Variants in MAP2K5 observed in about 807,000 individuals in gnomAD.
MAP2K5 encodes dual specificity mitogen-activated protein kinase kinase 5.
A neutral mutation model predicts 83.1 loss-of-function variants in MAP2K5; 49 were observed. The observed-to-expected ratio is 0.59, with a 90% confidence interval of 0.47 to 0.75. MAP2K5 has a LOEUF of 0.75. Among genes scored for constraint, MAP2K5 ranks in the 30% least tolerant of loss-of-function variants. MAP2K5 has a pLI of 0.00. For synonymous variants in MAP2K5, 202 were observed against 191.8 expected (o/e 1.05, Z -0.44); for missense variants, 457 against 557.5 (o/e 0.82, Z 1.82).
intron 21 of MAP2K5, among the ~76,000 whole-genome samples, chr15:67,784,653 G>A (rs901322625): frequency 6.6e-6 from 1 of 152,220 alleles, no homozygotes; most frequent in African/African-American, 2.4e-5. Context: ...TTTGCACCTG[G>A]TCTGTTAGTT....
intron 17 of MAP2K5, among the ~76,000 whole-genome samples, chr15:67,737,026 A>T (rs2089356542): frequency 6.6e-6 from 1 of 152,212 alleles, no homozygotes; most frequent in Non-Finnish European, 1.5e-5. Context: ...ACTGTCTCCC[A>T]CTCACAGTGC....
At chr15:67,553,570 C>CT (rs1210240625) in intron 2 of MAP2K5, among the ~76,000 whole-genome samples, 1 of 152,036 alleles carries the variant, frequency 6.6e-6, no homozygotes, top group African/African-American at 2.4e-5. Context: ...TTTGTGGTGA[C>CT]TTTTTTTTCT....
intron 8 of MAP2K5, among the ~76,000 whole-genome samples, chr15:67,615,653 A>C (rs1189682075): frequency 6.6e-6 from 1 of 152,140 alleles, no homozygotes; most frequent in African/African-American, 2.4e-5. Context: ...AGACCAAGAA[A>C]TTAGAGGATT....
intron 3 of MAP2K5, among the ~76,000 whole-genome samples, chr15:67,569,374 G>A (rs941144310): frequency 4.6e-5 from 7 of 152,268 alleles, no homozygotes; most frequent in East Asian, 1.9e-4. Context: ...GTGGAGAAAC[G>A]GTGAAAAGAA....
intron 2 of MAP2K5, among the ~76,000 whole-genome samples, chr15:67,551,330 TG>T (rs540187465): frequency 5.4e-4 from 82 of 152,250 alleles, no homozygotes; most frequent in Non-Finnish European, 1.0e-3. Context: ...TGTGAGATCA[TG>T]ATGATAATTA....
Position 67,728,820 on chromosome 15 carries a change from C to T in MAP2K5, c.1074+875C>T, listed in dbSNP as rs143425685. Among the ~76,000 whole-genome samples, 106 of 152,344 alleles carry T rather than the reference C, an allele frequency of 7.0e-4. 2 individuals are homozygous for T. The East Asian group carries it at 0.018, about 27-fold the overall frequency. On this transcript the variant is annotated intron_variant, in intron 17 of 21. Coordinates refer to ENST00000178640, the MANE Select transcript of MAP2K5 (RefSeq NM_145160.3). ...TATGCATGGTTAGATTATGCAGATGCATCACAAACATGGTTATTGAATAAT... is the reference window on the plus strand; with the variant it reads ...TATGCATGGTTAGATTATGCAGATGTATCACAAACATGGTTATTGAATAAT...
chr15:67,673,956 C>G (rs2087613282), intron 13 of MAP2K5, among the ~76,000 whole-genome samples: 1 of 152,118 alleles, frequency 6.6e-6, no homozygotes, highest in African/African-American at 2.4e-5. Context: ...TCAAACGATT[C>G]TCCTGCCCCA....
Position 67,720,443 on chromosome 15 carries a change from G to A in MAP2K5, c.1045-7473G>A, listed in dbSNP as rs2088932306. ...GAGGAAGGAGAATTATGTGTTTTGG[G>A]ACAGCAGGGTTAGAAAGACCAAGAA... On this transcript the variant is annotated intron_variant, in intron 16 of 21. Coordinates refer to ENST00000178640, the MANE Select transcript of MAP2K5 (RefSeq NM_145160.3). This position sits in a 1 kb window ranked among gnomAD's most constrained non-coding sequence, Gnocchi z 5.7. 6.6e-6 allele frequency among the ~76,000 whole-genome samples: 1 copy of A among 152,082 alleles called. No individual in the cohort carries two copies. Among genetic ancestry groups the A allele is most frequent in the Admixed American group, 6.6e-5 (1 of 15,252 alleles).
intron 15 of MAP2K5, among the ~76,000 whole-genome samples, chr15:67,700,768 A>C (rs1041770694): frequency 6.6e-6 from 1 of 151,908 alleles, no homozygotes; most frequent in Non-Finnish European, 1.5e-5. Context: ...TTTTGCTGAA[A>C]ATTTTTGCTC....
chr15:67,609,528 G>A lies in MAP2K5; in HGVS notation c.545+8779G>A. On this transcript the variant is annotated intron_variant, in intron 8 of 21. Coordinates refer to ENST00000178640, the MANE Select transcript of MAP2K5 (RefSeq NM_145160.3). ...TGTAGACCTATTCTATAGGTCTGTA[G>A]ATTCTGTAGACCTATTCTATAGGTC... Among the ~76,000 whole-genome samples, 2 of 107,340 alleles carry A rather than the reference G, an allele frequency of 1.9e-5. 1 individual carries two copies. 70.4% of individuals were successfully genotyped at this position (107,340 alleles called of 152,430 possible). A position where few individuals can be genotyped will look rare whatever the true frequency, so the allele number is the denominator to read the frequency against.
At chr15:67,712,239 C>T (rs1460648019) in intron 16 of MAP2K5, among the ~76,000 whole-genome samples, 12 of 152,176 alleles carry the variant, frequency 7.9e-5, no homozygotes, top group Non-Finnish European at 1.8e-4. Context: ...CAGAGACTTT[C>T]TCTAGGGAAA....
chr15:67,613,780 T>C lies in MAP2K5; in HGVS notation c.545+13031T>C, dbSNP rs17242186. On this transcript the variant is annotated intron_variant, in intron 8 of 21. Transcript: ENST00000178640. ...TAGTGTGGACAATTTCTTGAGTTTT[T>C]AATGGAAACGGGTTAATATTTTTGT... Among the ~76,000 whole-genome samples the C allele has an allele frequency of 8.3e-3, 1,269 of 152,114 alleles. 40 individuals carry two copies. The highest frequency in any genetic ancestry group is 0.062 in the Admixed American group (944 of 15,254).
At chr15:67,570,379 C>G (rs948878045) in intron 3 of MAP2K5, among the ~76,000 whole-genome samples, 1 of 152,244 alleles carries the variant, frequency 6.6e-6, no homozygotes, top group East Asian at 1.9e-4. Flanking sequence ...TTCTCATCAT[C>G]TAATCAATCT....
At chr15:67,789,980 C>T in intron 21 of MAP2K5, among the ~76,000 whole-genome samples, 1 of 152,188 alleles carries the variant, frequency 6.6e-6, no homozygotes, top group Middle Eastern at 3.2e-3. Context: ...GCAGCTTTTA[C>T]ACTACCAAGG....
chr15:67,780,718 A>C lies in MAP2K5; in HGVS notation c.1242+7966A>C, dbSNP rs1011772322. On this transcript the variant is annotated intron_variant, in intron 21 of 21. Coordinates refer to ENST00000178640, the MANE Select transcript of MAP2K5 (RefSeq NM_145160.3). This position sits in a 1 kb window ranked among gnomAD's most constrained non-coding sequence, Gnocchi z 5.0. ...ATCTAGGTTAGAAAATTTGGTGCCA[A>C]AATAATAAAATTTCTAGGATGTTCC... Among the ~76,000 whole-genome samples, 1 of 152,246 alleles carries C rather than the reference A, an allele frequency of 6.6e-6. No individual in the cohort carries two copies. Among genetic ancestry groups the C allele is most frequent in the Non-Finnish European group, 1.5e-5 (1 of 68,046 alleles).
Position 67,702,593 on chromosome 15 carries a change from G to C in MAP2K5, c.973-744G>C, listed in dbSNP as rs1470346319. On this transcript the variant is annotated intron_variant, in intron 15 of 21. Transcript: ENST00000178640. This position sits in a 1 kb window ranked among gnomAD's most constrained non-coding sequence, Gnocchi z 4.6. ...CTGAATGCTAAATCCTAGAGGGATA[G>C]ATAGATCAGGAAGCATCCACTCAGT... 6.6e-6 allele frequency among the ~76,000 whole-genome samples: 1 copy of C among 152,218 alleles called. No individual in the cohort carries two copies. The highest frequency in any genetic ancestry group is 6.5e-5 in the Admixed American group (1 of 15,280).
At position 67,637,958 on chromosome 15, in the gene MAP2K5, CT is replaced by C. The variant is rs1384413704; in HGVS notation, c.585+7039del. On this transcript the variant is annotated intron_variant, in intron 9 of 21. Transcript: ENST00000178640. The surrounding 1 kb of genome is among the most constrained non-coding windows in gnomAD (Gnocchi z 4.5). ...TGTGTGTTTTAGTACCTCTTCCTTT[CT>C]TTTTTTTAATTTAACTTTTAACTTT... Among the ~76,000 whole-genome samples the C allele has an allele frequency of 1.3e-5, 2 of 149,578 alleles. No homozygotes were observed. The highest frequency in any genetic ancestry group is 2.0e-4 in the East Asian group (1 of 5,104).
intron 9 of MAP2K5, among the ~76,000 whole-genome samples, chr15:67,639,542 G>A (rs1028703725): frequency 2.6e-5 from 4 of 152,260 alleles, no homozygotes; most frequent in African/African-American, 4.8e-5. Flanking sequence ...TCTAAGTGCC[G>A]GTGACCCCCC....
intron 13 of MAP2K5, among the ~76,000 whole-genome samples, chr15:67,681,270 G>C (rs2087809335): frequency 6.6e-6 from 1 of 152,216 alleles, no homozygotes; most frequent in Non-Finnish European, 1.5e-5. Context: ...ACACTGGCAA[G>C]GTTGTCAGTG....
Sources: allele counts gnomAD v4.1 joint callset (sites outside exome capture counted in the v4.1 genomes callset), GRCh38; gene constraint gnomAD v4.1.1; non-coding constraint Gnocchi (gnomAD v3.1); transcripts MANE v1.5; gene names NCBI Gene and HGNC (gene_info 2026-07-23, HGNC 2026-07-21).